The following DBX2 variants were observed in gnomAD, a reference collection of about 807,000 sequenced individuals.
The protein encoded by DBX2 is developing brain homeobox 2.
A neutral mutation model predicts 17.7 loss-of-function variants in DBX2; 16 were observed. The ratio of observed to expected loss-of-function variants is 0.90; its 90% CI spans 0.61 to 1.37. The LOEUF (loss-of-function observed/expected upper bound fraction) is 1.37. Ranked by LOEUF, DBX2 falls within the 40% of genes most tolerant of loss-of-function variation. The pLI is 0.00. For synonymous variants in DBX2, 255 were observed against 183.8 expected (o/e 1.39, Z -3.13); for missense variants, 538 against 433.8 (o/e 1.24, Z -2.13).
At chr12:45,035,621 G>A (rs1946435831) in intron 2 of DBX2, among the ~76,000 whole-genome samples, 1 of 152,128 alleles carries the variant, frequency 6.6e-6, no homozygotes, top group African/African-American at 2.4e-5. Flanking sequence ...GACACTTAGT[G>A]ACTTTCTGTG....
chr12:45,037,606 T>A (rs867032613), intron 1 of DBX2, among the ~76,000 whole-genome samples: 2 of 152,144 alleles, frequency 1.3e-5, no homozygotes, highest in African/African-American at 4.8e-5. Flanking sequence ...TTAATCACAT[T>A]CGTGAATATT....
chr12:45,030,565 TTCTC>T (rs989776830), intron 2 of DBX2, among the ~76,000 whole-genome samples: 3 of 152,078 alleles, frequency 2.0e-5, no homozygotes, highest in African/African-American at 4.8e-5. Context: ...GGCACTGGCC[TTCTC>T]TCTGTTTCCT....
intron 1 of DBX2, among the ~76,000 whole-genome samples, chr12:45,038,899 C>T (rs994237306): frequency 4.6e-5 from 7 of 151,936 alleles, no homozygotes; most frequent in African/African-American, 1.4e-4. Context: ...ATGACAGTAT[C>T]AAAATCTGTA....
intron 3 of DBX2, among the ~76,000 whole-genome samples, chr12:45,021,965 G>A (rs1946354609): frequency 6.7e-6 from 1 of 149,336 alleles, no homozygotes; most frequent in Non-Finnish European, 1.5e-5. Context: ...AATACTCCCT[G>A]TTATTGCCTA....
At chr12:45,027,667 GA>G (rs915009598) in intron 2 of DBX2, among the ~76,000 whole-genome samples, 1 of 152,066 alleles carries the variant, frequency 6.6e-6, no homozygotes, top group African/African-American at 2.4e-5. Context: ...AAAATGCAGA[GA>G]AAAAAATTGA....
At chr12:45,018,144 T>C (rs1322108407) in intron 3 of DBX2, among the ~76,000 whole-genome samples, 1 of 152,206 alleles carries the variant, frequency 6.6e-6, no homozygotes, top group Non-Finnish European at 1.5e-5. Flanking sequence ...AGTACTTGGT[T>C]CTATTCATTA....
At chr12:45,030,171 C>T (rs1946402039) in intron 2 of DBX2, among the ~76,000 whole-genome samples, 1 of 152,118 alleles carries the variant, frequency 6.6e-6, no homozygotes, top group Non-Finnish European at 1.5e-5. Context: ...TCCCTATTGC[C>T]TCAACTTCTG....
At chr12:45,030,127 C>T (rs1453915178) in intron 2 of DBX2, among the ~76,000 whole-genome samples, 3 of 152,088 alleles carry the variant, frequency 2.0e-5, no homozygotes, top group Non-Finnish European at 4.4e-5. Flanking sequence ...CAGAGAAACA[C>T]AGCATTGGAC....
intron 3 of DBX2, 131 bp downstream of exon 3, chr12:45,023,576 A>G: frequency 9.2e-7 from 1 of 1,087,362 alleles, no homozygotes. Flanking sequence ...TATTTGCTAA[A>G]TAAATGGATT....
chr12:45,033,930 A>G (rs1292797546), intron 2 of DBX2, among the ~76,000 whole-genome samples: 7 of 152,184 alleles, frequency 4.6e-5, no homozygotes, highest in African/African-American at 1.4e-4. Context: ...ATGGAGAAAA[A>G]TAAGACCTGC....
intron 2 of DBX2, among the ~76,000 whole-genome samples, chr12:45,035,064 C>T (rs1205120473): frequency 6.6e-6 from 1 of 152,240 alleles, no homozygotes; most frequent in African/African-American, 2.4e-5. Flanking sequence ...GCTCATTAAA[C>T]GGCCAGCATT....
chr12:45,041,738 T>A (rs539828813), intron 1 of DBX2, among the ~76,000 whole-genome samples: 1 of 152,324 alleles, frequency 6.6e-6, no homozygotes, highest in East Asian at 1.9e-4. Context: ...GCAAATAGTA[T>A]GTACTGCCTA....
At chr12:45,036,472 T>A (rs563786465) in intron 1 of DBX2, among the ~76,000 whole-genome samples, 1 of 152,328 alleles carries the variant, frequency 6.6e-6, no homozygotes, top group South Asian at 2.1e-4. Context: ...ATGTCTGTAT[T>A]GTTCAAAATG....
At chr12:45,038,676 TCCCAAC>T (rs1946453217) in intron 1 of DBX2, among the ~76,000 whole-genome samples, 2 of 140,304 alleles carry the variant, frequency 1.4e-5, no homozygotes, top group Admixed American at 7.0e-5. Context: ...TCAATTAAAT[TCCCAAC>T]CCTAGGGCCC....
At chr12:45,027,497 T>C (rs1393853949) in intron 2 of DBX2, among the ~76,000 whole-genome samples, 4 of 152,104 alleles carry the variant, frequency 2.6e-5, no homozygotes, top group Admixed American at 2.6e-4. Flanking sequence ...AAAATAAATA[T>C]CCACTGGTAA....
chr12:45,050,449 C>T (rs924063005), intron 1 of DBX2, 76 bp downstream of exon 1: 47 of 1,505,384 alleles, frequency 3.1e-5, no homozygotes, highest in Admixed American at 1.5e-4. Context: ...TGCGCACCGC[C>T]GGCGCTCCCA....
intron 3 of DBX2, among the ~76,000 whole-genome samples, chr12:45,016,959 T>TA (rs1848836578): frequency 6.6e-6 from 1 of 151,588 alleles, no homozygotes; most frequent in African/African-American, 2.4e-5. Flanking sequence ...AATTTTTATA[T>TA]TTTTTTTGTA....
intron 2 of DBX2, among the ~76,000 whole-genome samples, chr12:45,030,620 G>A (rs1946404407): frequency 1.3e-5 from 2 of 152,146 alleles, no homozygotes; most frequent in African/African-American, 4.8e-5. Context: ...GCTACCCTGA[G>A]GTAGGCCAAG....
intron 2 of DBX2, among the ~76,000 whole-genome samples, chr12:45,028,373 C>T (rs1237080946): frequency 3.3e-5 from 5 of 152,018 alleles, no homozygotes; most frequent in Non-Finnish European, 5.9e-5. Flanking sequence ...GAGTCTAAAA[C>T]AAATTTATGG....
Sources: allele counts gnomAD v4.1 joint callset (sites outside exome capture counted in the v4.1 genomes callset), GRCh38; gene constraint gnomAD v4.1.1; transcripts MANE v1.5; gene names NCBI Gene and HGNC (gene_info 2026-07-23, HGNC 2026-07-21).